ARHGAP45: variants seen among roughly 807,000 people sequenced by gnomAD.
ARHGAP45 encodes rho GTPase-activating protein 45.
A neutral mutation model predicts 116.1 loss-of-function variants in ARHGAP45; 56 were observed. That is an observed-to-expected ratio of 0.48 (90% CI 0.39 to 0.60). The LOEUF (loss-of-function observed/expected upper bound fraction) is 0.60. Ranked by LOEUF, ARHGAP45 falls within the 20% of genes least tolerant of loss-of-function variation. ARHGAP45 has a pLI of 0.00. For synonymous variants in ARHGAP45, 866 were observed against 701.7 expected, an observed-to-expected ratio of 1.23 and a Z score of -3.70; for missense variants, 1,622 against 1,601.0, an observed-to-expected ratio of 1.01 and a Z score of -0.22.
chr19:1,081,073 G>C lies in ARHGAP45; in HGVS notation c.2190+9G>C, dbSNP rs1388089763. 1 of 1,593,674 alleles carries C rather than the reference G, an allele frequency of 6.3e-7. No homozygotes were observed. The highest frequency in any genetic ancestry group is 8.5e-7 in the Non-Finnish European group (1 of 1,170,904). ...GTGCTGAGTGTGAAGAGGTGAGTGG[G>C]ACGCCCCGACGGACAGCTGGGAGCC... is the stretch of plus-strand genomic sequence containing the variant. On this transcript the variant is annotated intron_variant, in intron 17 of 22. Coordinates refer to ENST00000313093, the MANE Select transcript of ARHGAP45 (RefSeq NM_012292.5).
intron 19 of ARHGAP45, among the ~76,000 whole-genome samples, 175 bp downstream of exon 19, chr19:1,082,136 C>T (rs1178764105): frequency 7.0e-6 from 1 of 142,948 alleles, no homozygotes; most frequent in Admixed American, 7.3e-5. Context: ...AGGGCTGAGG[C>T]TGGGGGCGTG....
chr19:1,068,381 C>A lies in ARHGAP45; in HGVS notation c.91-33C>A. On this transcript the variant is annotated intron_variant, in intron 1 of 22. Coordinates refer to ENST00000313093, the MANE Select transcript of ARHGAP45 (RefSeq NM_012292.5). This position sits in a 1 kb window ranked among gnomAD's most constrained non-coding sequence, Gnocchi z 7.5. ...TGAGGCCGTGTCCAGGCCGGAAAATCCCTTTAACGAGCTCCCCTCGGACCT... is the reference window on the plus strand; with the variant it reads ...TGAGGCCGTGTCCAGGCCGGAAAATACCTTTAACGAGCTCCCCTCGGACCT... 1 of 1,474,502 alleles carries A rather than the reference C, an allele frequency of 6.8e-7. No individual in the cohort carries two copies. Among genetic ancestry groups the A allele is most frequent in the Non-Finnish European group, 9.0e-7 (1 of 1,107,338 alleles). 91.3% of individuals were successfully genotyped at this position (1,474,502 alleles called of 1,614,324 possible). A position where few individuals can be genotyped will look rare whatever the true frequency, so the allele number is the denominator to read the frequency against.
At chr19:1,085,608 C>G in intron 22 of ARHGAP45, 52 bp from the exon 23 acceptor site, 3 of 1,353,908 alleles carry the variant, frequency 2.2e-6, no homozygotes, top group Non-Finnish European at 3.0e-6. Context: ...CCCCTTGTCT[C>G]TCCTCCATCT....
intron 21 of ARHGAP45, among the ~76,000 whole-genome samples, chr19:1,083,826 C>T (rs537400786): frequency 1.2e-4 from 18 of 152,302 alleles, no homozygotes; most frequent in South Asian, 6.2e-4. Context: ...CCACAACCTC[C>T]GCTTCCCAGG....
At position 1,084,305 on chromosome 19, in the gene ARHGAP45, T is replaced by G; in HGVS notation, c.3023T>G (p.Val1008Gly). 1 of 1,611,770 alleles carries G rather than the reference T, an allele frequency of 6.2e-7. No homozygotes were observed. The highest frequency in any genetic ancestry group is 8.5e-7 in the Non-Finnish European group (1 of 1,179,126). The part of the protein sequence containing the change: ...QVPYLEAGEA[V>G]VYPLQEAAAD... ...CCGTACCTGGAGGCGGGCGAGGCGG[T>G]GGTCTACCCGCTGCAGGAGGCGGCG... The change falls in exon 22 of 23, where the codon GTG (valine) becomes GGG (glycine). Residue 1008 changes from valine (V) to glycine (G), a missense_variant. Val to Gly is a moderately radical substitution (Grantham distance 109, BLOSUM62 -3). Around this residue, in one of 3 missense-constraint regions of ARHGAP45, gnomAD observed 1,334 missense variants for 1,263.8 expected, o/e 1.06. Transcript: ENST00000313093.
At position 1,068,442 on chromosome 19, in the gene ARHGAP45, C is replaced by G; in HGVS notation, c.119C>G (p.Ala40Gly). 2 of 1,576,474 alleles carry G rather than the reference C, an allele frequency of 1.3e-6. No homozygotes were observed. Among genetic ancestry groups the G allele is most frequent in the Middle Eastern group, 1.8e-4 (1 of 5,468 alleles). ...CTGCCCAGGAAGGATGGGGCTGACG[C>G]GGTGTTCCCCGGACCAAGCCTGGAG... ...GELPRKDGAD[A>G]VFPGPSLEPP... The change falls in exon 2 of 23, where the codon GCG becomes GGG. Residue 40 changes from alanine (A) to glycine (G), a missense_variant. By Grantham distance (60) the Ala-to-Gly change is moderately conservative (BLOSUM62 0). Around this residue, in one of 3 missense-constraint regions of ARHGAP45, gnomAD observed 279 missense variants for 311.9 expected, o/e 0.89. Coordinates refer to ENST00000313093, the MANE Select transcript of ARHGAP45 (RefSeq NM_012292.5). This position sits in a 1 kb window ranked among gnomAD's most constrained non-coding sequence, Gnocchi z 7.5.
chr19:1,079,179 C>CAAA (rs566796533), intron 11 of ARHGAP45, among the ~76,000 whole-genome samples: 2 of 125,468 alleles, frequency 1.6e-5, no homozygotes, highest in Admixed American at 8.0e-5. Context: ...GACTCTGTCT[C>CAAA]AAAAAAAAAA....
chr19:1,079,047 G>T (rs1457811199), intron 11 of ARHGAP45, among the ~76,000 whole-genome samples: 3 of 151,936 alleles, frequency 2.0e-5, no homozygotes, highest in African/African-American at 7.2e-5. Context: ...GGGCGTAGTG[G>T]TGGGCGCCTG....
chr19:1,075,032 C>CT (rs988230088), intron 10 of ARHGAP45, among the ~76,000 whole-genome samples, 153 bp downstream of exon 10: 4 of 133,066 alleles, frequency 3.0e-5, no homozygotes, highest in Non-Finnish European at 6.8e-5. Context: ...GGGCCGCCCC[C>CT]CCCAACGCCA....
chr19:1,069,151 G>T lies in ARHGAP45; in HGVS notation c.421+407G>T, dbSNP rs2043093558. 1.3e-5 allele frequency among the ~76,000 whole-genome samples: 2 copies of T among 152,120 alleles called. No individual in the cohort carries two copies. The highest frequency in any genetic ancestry group is 4.8e-5 in the African/African-American group (2 of 41,422). Reference sequence around the variant, plus strand: ...AGCCATAGAAGGTGTTAGAGCACAGGACAGATGGGGGCAGATCTGTGTCTT... The same window carrying T: ...AGCCATAGAAGGTGTTAGAGCACAGTACAGATGGGGGCAGATCTGTGTCTT... On this transcript the variant is annotated intron_variant, in intron 2 of 22. Transcript: ENST00000313093. This position sits in a 1 kb window ranked among gnomAD's most constrained non-coding sequence, Gnocchi z 4.1.
chr19:1,073,746 G>A lies in ARHGAP45; in HGVS notation c.723G>A (p.Gln241=). 1.3e-6 allele frequency: 2 copies of A among 1,584,588 alleles called. No individual in the cohort carries two copies. Among genetic ancestry groups the A allele is most frequent in the Non-Finnish European group, 1.7e-6 (2 of 1,165,008 alleles). Residue 241 remains glutamine, a splice_region_variant and synonymous_variant, in exon 5 of 23, where the codon CAG becomes CAA. Transcript: ENST00000313093. Reference sequence around the variant, plus strand: ...CAGTGCCTCCTGGGGACTCGAGCCAGGTGAGTGGGGTGGGCCAGGGCCACC... The same window carrying A: ...CAGTGCCTCCTGGGGACTCGAGCCAAGTGAGTGGGGTGGGCCAGGGCCACC... ...LLAVPPGDSS[Q]SMESLYGPGS...
Position 1,071,510 on chromosome 19 carries a change from G to C in ARHGAP45, c.422-1639G>C. On this transcript the variant is annotated intron_variant, in intron 2 of 22. Transcript: ENST00000313093. The surrounding 1 kb of genome is among the most constrained non-coding windows in gnomAD (Gnocchi z 4.6). ...CATCCCTGCGCTGCGCAGGGGTCGC[G>C]CCGGCCGCCGGCTTCCCGGGTAGGG... is the stretch of plus-strand genomic sequence containing the variant. The C allele has an allele frequency of 4.2e-6, 2 of 479,578 alleles. No individual in the cohort carries two copies. Among genetic ancestry groups the C allele is most frequent in the Non-Finnish European group, 5.5e-6 (2 of 364,878 alleles). The allele number at this position is 479,578 out of a possible 1,614,324, so 29.7% of individuals were successfully genotyped here. A position where few individuals can be genotyped will look rare whatever the true frequency, so the allele number is the denominator to read the frequency against.
rs1408969506 is a variant in ARHGAP45, at chr19:1,069,121, T to C, written c.421+377T>C. Among the ~76,000 whole-genome samples, 4 of 151,712 alleles carry C rather than the reference T, an allele frequency of 2.6e-5. No individual in the cohort carries two copies. Among genetic ancestry groups the C allele is most frequent in the East Asian group, 1.9e-4 (1 of 5,160 alleles). Reference sequence around the variant, plus strand: ...ATGACAACGCCAGGCAGAAGGGCAATGGGGAGCCATAGAAGGTGTTAGAGC... The same window carrying C: ...ATGACAACGCCAGGCAGAAGGGCAACGGGGAGCCATAGAAGGTGTTAGAGC... On this transcript the variant is annotated intron_variant, in intron 2 of 22. Transcript: ENST00000313093. The surrounding 1 kb of genome is among the most constrained non-coding windows in gnomAD (Gnocchi z 4.1).
rs2043670082 is a variant in ARHGAP45 at position 1,086,613 on chromosome 19, AAAG to A, written c.*608_*610del. ...AGGCACGTTTATTTTGCTGAAATAA[AAAG>A]TTTTTAATCGGGTGTTTTCTGTGGC... is the stretch of plus-strand genomic sequence containing the variant. On this transcript the variant is annotated 3_prime_UTR_variant, in exon 23 of 23. Transcript: ENST00000313093. The A allele has an allele frequency of 6.6e-6, 1 of 152,340 alleles. No individual in the cohort carries two copies. Among genetic ancestry groups the A allele is most frequent in the African/African-American group, 2.4e-5 (1 of 41,424 alleles). 9.4% of individuals were successfully genotyped at this position (152,340 alleles called of 1,614,324 possible). A position where few individuals can be genotyped will look rare whatever the true frequency, so the allele number is the denominator to read the frequency against.
At position 1,080,735 on chromosome 19, in the gene ARHGAP45, G is replaced by A. The variant is rs1465360370; in HGVS notation, c.1966G>A (p.Glu656Lys). The change falls in exon 16 of 23, where the codon GAG (glutamate) becomes AAG (lysine). Residue 656 changes from glutamate (E) to lysine (K), a missense_variant. Physicochemically the swap from Glu to Lys is moderately conservative, Grantham distance 56 (BLOSUM62 1). This residue lies in a region of ARHGAP45 where 1,334 missense variants were observed against 1,263.8 expected (regional missense o/e 1.06). Transcript: ENST00000313093. The part of the protein sequence containing the change: ...TSSSGTMSST[E>K]ELVDPDGGAG... The stretch of plus-strand genomic sequence containing the variant: ...ATCCAGTGGTACCATGTCGTCCACG[G>A]AGGAGCTGGTGGACCCAGACGGTGG... 1.2e-6 allele frequency: 2 copies of A among 1,613,614 alleles called. No individual in the cohort carries two copies. Among genetic ancestry groups the A allele is most frequent in the Admixed American group, 1.7e-5 (1 of 60,024 alleles).
At chr19:1,078,739 C>G (rs1490282871) in intron 11 of ARHGAP45, among the ~76,000 whole-genome samples, 1 of 151,034 alleles carries the variant, frequency 6.6e-6, no homozygotes, top group Admixed American at 6.6e-5. Context: ...ATTTTTGAGA[C>G]AGTGTCTTGT....
rs918488567 is a variant in ARHGAP45 at position 1,075,028 on chromosome 19, C to T, written c.1185+149C>T. 118 of 407,702 alleles carry T rather than the reference C, an allele frequency of 2.9e-4. No homozygotes were observed. The African/African-American group carries it at 3.8e-3, about 13-fold the overall frequency. 25.3% of individuals were successfully genotyped at this position (407,702 alleles called of 1,614,324 possible). A position where few individuals can be genotyped will look rare whatever the true frequency, so the allele number is the denominator to read the frequency against. On this transcript the variant is annotated intron_variant, in intron 10 of 22. Coordinates refer to ENST00000313093, the MANE Select transcript of ARHGAP45 (RefSeq NM_012292.5). ...ATGCGCGGCCTCGCAGGCTGGGCCG[C>T]CCCCCCCAACGCCAAGCCGGGTCGG... is the stretch of plus-strand genomic sequence containing the variant.
chr19:1,073,797 G>T, intron 5 of ARHGAP45, 51 bp downstream of exon 5: 2 of 1,548,854 alleles, frequency 1.3e-6, no homozygotes, highest in Non-Finnish European at 1.7e-6. Context: ...GAGGCCAGCC[G>T]GGTTCAGGTC....
At position 1,084,754 on chromosome 19, in the gene ARHGAP45, T is replaced by C. The variant is rs142586168; in HGVS notation, c.3064+408T>C. ...GCTGGCCGAGTGCCGCATCTAGTTATGGGACACCTGTGTTGTCTGTCTTCA... is the reference window on the plus strand; with the variant it reads ...GCTGGCCGAGTGCCGCATCTAGTTACGGGACACCTGTGTTGTCTGTCTTCA... On this transcript the variant is annotated intron_variant, in intron 22 of 22. Transcript: ENST00000313093. Among the ~76,000 whole-genome samples, 610 of 152,244 alleles carry C rather than the reference T, an allele frequency of 4.0e-3. 2 individuals carry two copies. The highest frequency in any genetic ancestry group is 0.014 in the African/African-American group (586 of 41,554).
Sources: gnomAD v4.1 joint callset for allele counts (sites outside exome capture counted in the v4.1 genomes callset) on GRCh38, gnomAD v4.1.1 for gene constraint, gnomAD v4.1.1 regional missense constraint, Gnocchi (gnomAD v3.1) non-coding constraint, MANE v1.5 for transcripts, NCBI Gene and HGNC (gene_info 2026-07-23, HGNC 2026-07-21) for gene names.